Variants in MINDY1 observed in about 807,000 individuals in gnomAD.
MINDY1 encodes the protein ubiquitin carboxyl-terminal hydrolase MINDY-1.
MINDY1 carries 50 observed loss-of-function variants against 53.6 expected under a neutral mutation model. That is an observed-to-expected ratio of 0.93 (90% confidence interval 0.74 to 1.18). The LOEUF is 1.18. Ranked by LOEUF, MINDY1 falls within the 50% of genes most tolerant of loss-of-function variation. The probability of loss-of-function intolerance (pLI) is 0.00; values close to 1 mark genes in which losing one functional copy is unlikely to be tolerated. For synonymous variants in MINDY1, 231 were observed against 234.7 expected, an observed-to-expected ratio of 0.98 and a Z score of 0.14; for missense variants, 484 against 578.6, an observed-to-expected ratio of 0.84 and a Z score of 1.68.
At position 150,998,116 on chromosome 1, in the gene MINDY1, C is replaced by T. The variant is rs1672058235; in HGVS notation, c.1139G>A (p.Ser380Asn). Residue 380 changes from serine (S) to asparagine (N), a missense_variant, in exon 8 of 10, where the codon AGT becomes AAT. Ser to Asn is a conservative substitution (Grantham distance 46). Transcript: ENST00000683666. ...LGKGPGAEGGSGSPETQLQVD... is the reference protein window; with the variant it reads ...LGKGPGAEGGNGSPETQLQVD... ...CTGCAGCTGCGTTTCTGGGGAGCCA[C>T]TCCCACCTTCTGCTCCAGGCCCCTT... The T allele has an allele frequency of 6.2e-7, 1 of 1,613,338 alleles. No individual in the cohort carries two copies. Among genetic ancestry groups the T allele is most frequent in the Non-Finnish European group, 8.5e-7 (1 of 1,179,964 alleles).
In MINDY1 at chr1:150,999,823, C is replaced by T; in HGVS notation, c.838+39G>A. 2 of 1,552,784 alleles carry T rather than the reference C, an allele frequency of 1.3e-6. No individual in the cohort carries two copies. The highest frequency in any genetic ancestry group is 1.8e-6 in the Non-Finnish European group (2 of 1,125,776). Reference sequence around the variant, plus strand: ...AAAATAAGCCTAAGTAGCTGTCATTCCCTCCACATACTATCCATGAGAAGG... The same window carrying T: ...AAAATAAGCCTAAGTAGCTGTCATTTCCTCCACATACTATCCATGAGAAGG... On this transcript the variant is annotated intron_variant, in intron 6 of 9. Coordinates refer to ENST00000683666, the MANE Select transcript of MINDY1 (RefSeq NM_001376665.1). This position sits in a 1 kb window ranked among gnomAD's most constrained non-coding sequence, Gnocchi z 4.4.
intron 3 of MINDY1, 124 bp downstream of exon 3, chr1:151,001,601 G>T: frequency 8.1e-7 from 1 of 1,234,490 alleles, no homozygotes; most frequent in Non-Finnish European, 1.1e-6. Flanking sequence ...AAGCCCCATA[G>T]ACCCTTACCC....
At chr1:150,997,465 A>G in intron 9 of MINDY1, 98 bp from the exon 10 acceptor site, 1 of 1,538,248 alleles carries the variant, frequency 6.5e-7, no homozygotes. Context: ...GAGAGTAGGG[A>G]GAGGAAGACA....
At chr1:150,998,730 TG>T (rs1474833548) in intron 7 of MINDY1, among the ~76,000 whole-genome samples, 3 of 152,180 alleles carry the variant, frequency 2.0e-5, no homozygotes, top group South Asian at 2.1e-4. Flanking sequence ...TATGTCCAGT[TG>T]GGTGTGAGCA....
chr1:151,003,884 A>G (rs1053937710), intron 1 of MINDY1, among the ~76,000 whole-genome samples: 3 of 152,152 alleles, frequency 2.0e-5, no homozygotes, highest in African/African-American at 7.2e-5. Context: ...TCACCTACCT[A>G]AAGTTTTATG....
Position 150,997,707 on chromosome 1 carries a change from C to T in MINDY1, c.1246G>A (p.Ala416Thr). 1 of 1,613,784 alleles carries T rather than the reference C, an allele frequency of 6.2e-7. No individual in the cohort carries two copies. The highest frequency in any genetic ancestry group is 8.5e-7 in the Non-Finnish European group (1 of 1,180,022). ...GPLGLTDLEL[A>T]QQLQQEEYQQ... Reference sequence around the variant, plus strand: ...TACTCCTCTTGCTGAAGCTGCTGGGCCAGCTCCAAGTCGGTAAGCCCCAGC... The same window carrying T: ...TACTCCTCTTGCTGAAGCTGCTGGGTCAGCTCCAAGTCGGTAAGCCCCAGC... Residue 416 changes from alanine to threonine, a missense_variant, in exon 9 of 10, where the codon GCC becomes ACC. Ala to Thr is a moderately conservative substitution (Grantham distance 58). Transcript: ENST00000683666.
intron 1 of MINDY1, among the ~76,000 whole-genome samples, chr1:151,005,385 G>A (rs1438357121): frequency 6.6e-6 from 1 of 151,208 alleles, no homozygotes; most frequent in Admixed American, 6.6e-5. Context: ...CCCGGAGGTG[G>A]AGGTTGCAGT....
chr1:150,998,834 C>T (rs1395253957), intron 7 of MINDY1, among the ~76,000 whole-genome samples: 1 of 152,182 alleles, frequency 6.6e-6, no homozygotes, highest in Non-Finnish European at 1.5e-5. Context: ...GTTCTCTGGG[C>T]TTGCCTGATG....
In MINDY1 at chr1:150,999,329, A is replaced by G; in HGVS notation, c.981+40T>C. 1 of 1,609,948 alleles carries G rather than the reference A, an allele frequency of 6.2e-7. No homozygotes were observed. The highest frequency in any genetic ancestry group is 8.5e-7 in the Non-Finnish European group (1 of 1,177,014). On this transcript the variant is annotated intron_variant, in intron 7 of 9. Coordinates refer to ENST00000683666, the MANE Select transcript of MINDY1 (RefSeq NM_001376665.1). The surrounding 1 kb of genome is among the most constrained non-coding windows in gnomAD (Gnocchi z 4.4). Reference sequence around the variant, plus strand: ...ACCCACGAGAAAAAGGCACCAGGAAATGACAGCACCGCAGCACGCCACCCC... The same window carrying G: ...ACCCACGAGAAAAAGGCACCAGGAAGTGACAGCACCGCAGCACGCCACCCC...
chr1:151,004,817 C>G (rs1207489604), intron 1 of MINDY1, among the ~76,000 whole-genome samples: 1 of 152,042 alleles, frequency 6.6e-6, no homozygotes, highest in Admixed American at 6.6e-5. Context: ...CTTGTCTTTT[C>G]TCCACCCTCC....
chr1:150,998,564 G>T (rs1158024579), intron 7 of MINDY1, among the ~76,000 whole-genome samples: 3 of 152,200 alleles, frequency 2.0e-5, no homozygotes, highest in Admixed American at 6.5e-5. Flanking sequence ...CACCGTGTTA[G>T]CCAGGATGGC....
downstream of MINDY1, chr1:150,996,792 C>T (rs1000499435): frequency 6.5e-6 from 1 of 154,862 alleles, no homozygotes; most frequent in Non-Finnish European, 1.4e-5. Flanking sequence ...GATCCGCCCA[C>T]CTTGGCCTCT....
chr1:151,007,439 G>A (rs1571751014), upstream of MINDY1, among the ~76,000 whole-genome samples: 2 of 152,308 alleles, frequency 1.3e-5, no homozygotes, highest in South Asian at 4.1e-4. Flanking sequence ...GGGAGGTGGA[G>A]GTTGCAGTGA....
chr1:150,997,796 TTGTGCAG>T lies in MINDY1; in HGVS notation c.1174-24_1174-18del. On this transcript the variant is annotated intron_variant, in intron 8 of 9. Coordinates refer to ENST00000683666, the MANE Select transcript of MINDY1 (RefSeq NM_001376665.1). Reference sequence around the variant, plus strand: ...CAGGTAGTCCTGGGGAGAACAAGAGTTGTGCAGTGGGCTGAGGCCCAGAGCCGTGGCT... The same window carrying T: ...CAGGTAGTCCTGGGGAGAACAAGAGTTGGGCTGAGGCCCAGAGCCGTGGCT... 1.2e-6 allele frequency: 2 copies of T among 1,604,010 alleles called. No homozygotes were observed. Among genetic ancestry groups the T allele is most frequent in the Non-Finnish European group, 1.7e-6 (2 of 1,173,036 alleles).
In MINDY1 at chr1:151,005,447, T is replaced by C. The variant is rs587693584; in HGVS notation, c.-90+865A>G. Among the ~76,000 whole-genome samples, 18 of 146,494 alleles carry C rather than the reference T, an allele frequency of 1.2e-4. No homozygotes were observed. The South Asian group carries it at 2.8e-3, about 23-fold the overall frequency. On this transcript the variant is annotated intron_variant, in intron 1 of 9. Transcript: ENST00000683666. ...AGCCTGGGTGACAAGAGTGAGACTCTTGCCTCCAAAAAAAAAAAGAAAAAA... is the reference window on the plus strand; with the variant it reads ...AGCCTGGGTGACAAGAGTGAGACTCCTGCCTCCAAAAAAAAAAAGAAAAAA...
At position 150,999,642 on chromosome 1, in the gene MINDY1, C is replaced by T. The variant is rs777530946; in HGVS notation, c.839-131G>A. 2 of 1,259,320 alleles carry T rather than the reference C, an allele frequency of 1.6e-6. No individual in the cohort carries two copies. Among genetic ancestry groups the T allele is most frequent in the Non-Finnish European group, 2.2e-6 (2 of 910,788 alleles). 78.0% of individuals were successfully genotyped at this position (1,259,320 alleles called of 1,614,324 possible). On this transcript the variant is annotated intron_variant, in intron 6 of 9. Transcript: ENST00000683666. The surrounding 1 kb of genome is among the most constrained non-coding windows in gnomAD (Gnocchi z 4.4). Reference sequence around the variant, plus strand: ...ACCTTCTGACGTCCCTTTCTTGAAACCTGGCTGTATTCATTCACTTAACAA... The same window carrying T: ...ACCTTCTGACGTCCCTTTCTTGAAATCTGGCTGTATTCATTCACTTAACAA...
At chr1:151,001,199 T>A in intron 4 of MINDY1, 51 bp downstream of exon 4, 1 of 1,566,368 alleles carries the variant, frequency 6.4e-7, no homozygotes. Context: ...TATTACAAGA[T>A]GTCCCCTTAC....
chr1:151,006,617 G>T lies in MINDY1; in HGVS notation c.-395C>A. Reference sequence around the variant, plus strand: ...CTGAGTCGCCGAGTCTATGGCATGCGCTCCGGGCCCTGACTACAAGCTGGT... The same window carrying T: ...CTGAGTCGCCGAGTCTATGGCATGCTCTCCGGGCCCTGACTACAAGCTGGT... On this transcript the variant is annotated 5_prime_UTR_variant, in exon 1 of 10. Transcript: ENST00000683666. 1.0e-6 allele frequency: 1 copy of T among 988,524 alleles called. No individual in the cohort carries two copies. The highest frequency in any genetic ancestry group is 1.2e-6 in the Non-Finnish European group (1 of 832,098). 61.2% of individuals were successfully genotyped at this position (988,524 alleles called of 1,614,324 possible).
chr1:150,997,903 C>A, intron 8 of MINDY1, 124 bp from the exon 9 acceptor site: 1 of 1,212,602 alleles, frequency 8.2e-7, no homozygotes, highest in Non-Finnish European at 1.1e-6. Context: ...CAGAGCAGCA[C>A]ACACAGCCAA....
Sources: allele counts gnomAD v4.1 joint callset (sites outside exome capture counted in the v4.1 genomes callset), GRCh38; gene constraint gnomAD v4.1.1; non-coding constraint Gnocchi (gnomAD v3.1); transcripts MANE v1.5; gene names NCBI Gene and HGNC (gene_info 2026-07-23, HGNC 2026-07-21).